The following TBC1D19 variants were observed in gnomAD, a reference collection of about 807,000 sequenced individuals.
TBC1D19 encodes the protein TBC1 domain family, member 19.
In TBC1D19, 60 loss-of-function variants were observed where a neutral mutation model predicts 89.0. The ratio of observed to expected loss-of-function variants is 0.67; its 90% CI spans 0.55 to 0.84. The LOEUF is 0.84. Ranked by LOEUF, TBC1D19 falls within the 40% of genes least tolerant of loss-of-function variation. The pLI, the probability that TBC1D19 is intolerant of heterozygous loss-of-function variation, is 0.00. For synonymous variants in TBC1D19, 189 were observed against 199.7 expected (o/e 0.95, Z 0.45); for missense variants, 500 against 610.8 (o/e 0.82, Z 1.91).
At chr4:26,816,514 C>T in the TBC1D19 span, among the ~76,000 whole-genome samples, 2 of 152,038 alleles carry the variant, frequency 1.3e-5, no homozygotes, top group Non-Finnish European at 2.9e-5. Context: ...GGGGGAAAAT[C>T]GTAAATTTAC....
At chr4:26,656,428 A>G (rs1744811924) in intron 7 of TBC1D19, among the ~76,000 whole-genome samples, 1 of 152,146 alleles carries the variant, frequency 6.6e-6, no homozygotes, top group Admixed American at 6.5e-5. Context: ...TGTAAGCTGT[A>G]CTTCACTAAC....
chr4:26,710,536 G>T (rs1716105330), intron 13 of TBC1D19, among the ~76,000 whole-genome samples: 1 of 152,006 alleles, frequency 6.6e-6, no homozygotes, highest in Non-Finnish European at 1.5e-5. Flanking sequence ...TAATCCTTTG[G>T]GTATATACCC....
intron 8 of TBC1D19, among the ~76,000 whole-genome samples, chr4:26,663,716 C>G (rs1711540319): frequency 6.6e-6 from 1 of 152,128 alleles, no homozygotes; most frequent in Non-Finnish European, 1.5e-5. Flanking sequence ...GGGTAGTTGT[C>G]CCTGCCTTGC....
intron 3 of TBC1D19, among the ~76,000 whole-genome samples, chr4:26,619,207 CTTT>C (rs780946990): frequency 1.4e-5 from 2 of 139,716 alleles, no homozygotes; most frequent in East Asian, 2.1e-4. Flanking sequence ...TCCTAAATTT[CTTT>C]TTTTTTTTTT....
chr4:26,716,665 A>C (rs1203608447), intron 13 of TBC1D19, among the ~76,000 whole-genome samples: 1 of 152,156 alleles, frequency 6.6e-6, no homozygotes, highest in African/African-American at 2.4e-5. Flanking sequence ...AAGAAACTAC[A>C]TATAATCCTG....
intron 10 of TBC1D19, among the ~76,000 whole-genome samples, chr4:26,672,770 T>C (rs976911277): frequency 1.3e-5 from 2 of 152,042 alleles, no homozygotes; most frequent in African/African-American, 2.4e-5. Flanking sequence ...ATGGCAATTA[T>C]ATTGTCATGT....
the TBC1D19 span, among the ~76,000 whole-genome samples, chr4:26,777,135 CT>C: frequency 0.85 from 103,767 of 122,696 alleles, 46,407 homozygotes; most frequent in Non-Finnish European, 0.99. Flanking sequence ...TCTCTCTCTT[CT>C]TTTTTTTTTT....
At chr4:26,789,449 A>G in the TBC1D19 span, among the ~76,000 whole-genome samples, 1 of 152,242 alleles carries the variant, frequency 6.6e-6, no homozygotes, top group African/African-American at 2.4e-5. Flanking sequence ...GCCAAGAAGC[A>G]TTTGAAAATG....
intron 10 of TBC1D19, 105 bp from the exon 11 acceptor site, chr4:26,673,671 T>G (rs1360771421): frequency 1.6e-5 from 12 of 764,200 alleles, no homozygotes; most frequent in Non-Finnish European, 2.7e-5. Context: ...TTATGTTAGA[T>G]AGAAAGACTG....
chr4:26,605,274 A>T (rs1297824706), intron 1 of TBC1D19, among the ~76,000 whole-genome samples: 1 of 137,402 alleles, frequency 7.3e-6, no homozygotes, highest in African/African-American at 2.7e-5. Context: ...TCATTGTTCA[A>T]TTCCCATCTA....
intron 1 of TBC1D19, among the ~76,000 whole-genome samples, chr4:26,591,404 A>C (rs1286996300): frequency 2.0e-5 from 3 of 152,210 alleles, no homozygotes; most frequent in Non-Finnish European, 4.4e-5. Context: ...AAATTAAAGA[A>C]TGTGTAAGCA....
At chr4:26,846,327 T>C in the TBC1D19 span, among the ~76,000 whole-genome samples, 2 of 152,208 alleles carry the variant, frequency 1.3e-5, no homozygotes, top group African/African-American at 4.8e-5. Flanking sequence ...ACCTTGTTAA[T>C]AGGAGAAAAA....
At chr4:26,849,013 T>C in the TBC1D19 span, among the ~76,000 whole-genome samples, 1 of 151,932 alleles carries the variant, frequency 6.6e-6, no homozygotes, top group Non-Finnish European at 1.5e-5. Context: ...CCACAAAAAA[T>C]AAACAAAAAT....
chr4:26,735,059 T>C (rs550505688), intron 15 of TBC1D19, among the ~76,000 whole-genome samples: 2 of 151,332 alleles, frequency 1.3e-5, no homozygotes, highest in East Asian at 3.9e-4. Context: ...CATGTATATA[T>C]GTATATATGT....
intron 4 of TBC1D19, among the ~76,000 whole-genome samples, chr4:26,630,706 A>G (rs1742754045): frequency 6.6e-6 from 1 of 152,058 alleles, no homozygotes; most frequent in Non-Finnish European, 1.5e-5. Flanking sequence ...GTTAAGTTAT[A>G]TTTGAGGTAA....
the TBC1D19 span, among the ~76,000 whole-genome samples, chr4:26,830,812 A>G: frequency 2.6e-5 from 4 of 152,294 alleles, no homozygotes; most frequent in South Asian, 4.2e-4. Flanking sequence ...AGTTCTGCCT[A>G]TAGAGACTCA....
the TBC1D19 span, among the ~76,000 whole-genome samples, chr4:26,847,965 A>C: frequency 6.6e-6 from 1 of 152,224 alleles, no homozygotes; most frequent in Non-Finnish European, 1.5e-5. Flanking sequence ...TGTGAATTTG[A>C]GATGCTAATT....
At chr4:26,662,375 A>G (rs908091999) in intron 8 of TBC1D19, among the ~76,000 whole-genome samples, 2 of 152,238 alleles carry the variant, frequency 1.3e-5, no homozygotes, top group Non-Finnish European at 2.9e-5. Context: ...GTTGAAAACA[A>G]AGCTGAGGAA....
chr4:26,665,025 A>G (rs1711678206), intron 8 of TBC1D19, among the ~76,000 whole-genome samples: 1 of 152,086 alleles, frequency 6.6e-6, no homozygotes, highest in Non-Finnish European at 1.5e-5. Flanking sequence ...TTGGCCGACG[A>G]TCGCTCTAAC....
Sources: gnomAD v4.1 joint callset for allele counts (sites outside exome capture counted in the v4.1 genomes callset) on GRCh38, gnomAD v4.1.1 for gene constraint, MANE v1.5 for transcripts, NCBI Gene and HGNC (gene_info 2026-07-23, HGNC 2026-07-21) for gene names.